The following GADL1 variants were observed in gnomAD, a reference collection of about 807,000 sequenced individuals.
The protein encoded by GADL1 is GAD like acidic amino acid decarboxylase 1.
In GADL1, 71 loss-of-function variants were observed where a neutral mutation model predicts 69.5. The ratio of observed to expected loss-of-function variants is 1.02; its 90% CI spans 0.84 to 1.25. The LOEUF (loss-of-function observed/expected upper bound fraction) is 1.25. Among genes scored for constraint, GADL1 ranks in the 50% most tolerant of loss-of-function variants. The pLI is 0.00. For synonymous variants in GADL1, 254 were observed against 214.4 expected (o/e 1.18, Z -1.62); for missense variants, 737 against 631.8 (o/e 1.17, Z -1.79).
At chr3:30,857,655 T>A (rs1477953806) in intron 2 of GADL1, among the ~76,000 whole-genome samples, 1 of 151,904 alleles carries the variant, frequency 6.6e-6, no homozygotes, top group Non-Finnish European at 1.5e-5. Flanking sequence ...CCTCCTAAAC[T>A]TAAGCCATGG....
intron 8 of GADL1, among the ~76,000 whole-genome samples, chr3:30,840,202 T>C (rs950601475): frequency 6.6e-6 from 1 of 152,178 alleles, no homozygotes; most frequent in Non-Finnish European, 1.5e-5. Context: ...TTTATGTCCT[T>C]TAATGCCAGG....
At chr3:30,833,267 A>G (rs1022096472) in intron 11 of GADL1, among the ~76,000 whole-genome samples, 1 of 152,018 alleles carries the variant, frequency 6.6e-6, no homozygotes, top group Non-Finnish European at 1.5e-5. Flanking sequence ...AGGAGCCTCA[A>G]CTTTTTTTCC....
At chr3:30,884,570 ATCATATTT>A (rs573712980) in intron 1 of GADL1, among the ~76,000 whole-genome samples, 104 of 152,158 alleles carry the variant, frequency 6.8e-4, no homozygotes, top group African/African-American at 2.4e-3. Flanking sequence ...TTATTTTTCT[ATCATATTT>A]TCTATCTGTG....
At chr3:30,769,276 A>C (rs1038706815) in intron 14 of GADL1, among the ~76,000 whole-genome samples, 13 of 152,120 alleles carry the variant, frequency 8.5e-5, no homozygotes, top group Admixed American at 5.2e-4. Flanking sequence ...CGACTAGTGA[A>C]ATACTTATGA....
intron 14 of GADL1, 79 bp downstream of exon 14, chr3:30,778,087 GCTTGCTAGGCCCT>G (rs1696577949): frequency 4.1e-6 from 3 of 734,372 alleles, no homozygotes; most frequent in Admixed American, 4.4e-5. Context: ...ATAATTCTGT[GCTTGCTAGGCCCT>G]CTTATTTATA....
intron 14 of GADL1, among the ~76,000 whole-genome samples, chr3:30,732,965 G>C (rs963115528): frequency 1.3e-5 from 2 of 152,054 alleles, no homozygotes; most frequent in Non-Finnish European, 2.9e-5. Flanking sequence ...GCTGCGGCAC[G>C]GGACGCAGGG....
At chr3:30,783,018 A>G (rs549487214) in intron 13 of GADL1, among the ~76,000 whole-genome samples, 1 of 152,360 alleles carries the variant, frequency 6.6e-6, no homozygotes, top group South Asian at 2.1e-4. Context: ...ATGAATAATT[A>G]GAGCTATCTG....
chr3:30,732,664 C>A (rs1414048537), intron 14 of GADL1, among the ~76,000 whole-genome samples: 1 of 152,114 alleles, frequency 6.6e-6, no homozygotes, highest in Non-Finnish European at 1.5e-5. Context: ...ATCATTATTG[C>A]CTTTGATTAA....
Position 30,844,568 on chromosome 3 carries a change from T to C in GADL1, c.652-102A>G, listed in dbSNP as rs577492040. Reference sequence around the variant, plus strand: ...TAGATGAAAGTATGGCTGAGCACAATCTTTGGGACATTATTGCATAAAAAA... The same window carrying C: ...TAGATGAAAGTATGGCTGAGCACAACCTTTGGGACATTATTGCATAAAAAA... On this transcript the variant is annotated intron_variant, in intron 6 of 14. Coordinates refer to ENST00000282538, the MANE Select transcript of GADL1 (RefSeq NM_207359.3). 26 of 794,622 alleles carry C rather than the reference T, an allele frequency of 3.3e-5. No individual in the cohort carries two copies. The South Asian group carries it at 3.9e-4, about 12-fold the overall frequency. 49.2% of individuals were successfully genotyped at this position (794,622 alleles called of 1,614,324 possible).
rs1045439439 is a variant in GADL1, at chr3:30,841,113, ATAAGT to A, written c.787-2005_787-2001del. On this transcript the variant is annotated intron_variant, in intron 8 of 14. Transcript: ENST00000282538. ...TACTATTCCTCATATCTGAAACAACATAAGTTAAAAGCTTGAAACAAAACAACTAG... is the reference window on the plus strand; with the variant it reads ...TACTATTCCTCATATCTGAAACAACATAAAAGCTTGAAACAAAACAACTAG... Among the ~76,000 whole-genome samples, 47 of 152,326 alleles carry A rather than the reference ATAAGT, an allele frequency of 3.1e-4. 1 individual carries two copies. The highest frequency in any genetic ancestry group is 2.7e-3 in the Admixed American group (42 of 15,292).
intron 11 of GADL1, among the ~76,000 whole-genome samples, chr3:30,805,818 G>T (rs115435241): frequency 0.024 from 3,533 of 149,006 alleles, 152 homozygotes; most frequent in African/African-American, 0.084. Flanking sequence ...GGTGTGGTGT[G>T]GGGGAGATGG....
At chr3:30,796,814 T>A (rs1005532230) in intron 12 of GADL1, among the ~76,000 whole-genome samples, 3 of 152,184 alleles carry the variant, frequency 2.0e-5, no homozygotes, top group Non-Finnish European at 4.4e-5. Context: ...AATGTTTCCA[T>A]CGCTTACTAC....
Position 30,728,247 on chromosome 3 carries a change from T to C in GADL1, c.1561A>G (p.Met521Val). Reference protein sequence around the residue: ...LDEIDLLGKDM With the variant: ...LDEIDLLGKDV ...CTGGGGGACCAAAGCCACAGCTACA[T>C]GTCTTTACCCAGTAAGTCTATCTCA... Residue 521 changes from methionine to valine, a missense_variant, in exon 15 of 15, where the codon ATG becomes GTG. Transcript: ENST00000282538. 4.3e-6 allele frequency: 7 copies of C among 1,613,534 alleles called. No individual in the cohort carries two copies. Among genetic ancestry groups the C allele is most frequent in the South Asian group, 3.3e-5 (3 of 91,060 alleles).
chr3:30,858,248 C>A (rs535416368), intron 2 of GADL1, among the ~76,000 whole-genome samples: 1 of 152,078 alleles, frequency 6.6e-6, no homozygotes, highest in East Asian at 1.9e-4. Context: ...CAGAGATAAG[C>A]AAGGCTCAGA....
chr3:30,794,263 CCAAA>C (rs932185455), intron 12 of GADL1, among the ~76,000 whole-genome samples: 21 of 149,864 alleles, frequency 1.4e-4, no homozygotes, highest in African/African-American at 4.7e-4. Flanking sequence ...ACTCTGGAGA[CCAAA>C]CAAAGTAGCA....
intron 13 of GADL1, among the ~76,000 whole-genome samples, chr3:30,782,883 T>C (rs1464644527): frequency 1.6e-4 from 24 of 152,140 alleles, no homozygotes; most frequent in Admixed American, 1.6e-3. Context: ...AAGATGAAGA[T>C]TAAAATAATG....
chr3:30,827,778 T>G (rs778921939), intron 11 of GADL1, among the ~76,000 whole-genome samples: 1 of 151,934 alleles, frequency 6.6e-6, no homozygotes, highest in African/African-American at 2.4e-5. Flanking sequence ...TCTCTCTGTT[T>G]GATTTCTCAA....
intron 1 of GADL1, among the ~76,000 whole-genome samples, chr3:30,889,513 G>A (rs1698758041): frequency 1.3e-5 from 2 of 152,136 alleles, no homozygotes; most frequent in African/African-American, 4.8e-5. Flanking sequence ...CAAAGCAAAA[G>A]CCAAAAGCAG....
chr3:30,779,778 C>A (rs972727159), intron 13 of GADL1, among the ~76,000 whole-genome samples: 5 of 152,164 alleles, frequency 3.3e-5, no homozygotes, highest in Admixed American at 3.3e-4. Flanking sequence ...TGCCTCTCAG[C>A]CAGAAATCTA....
Sources: gnomAD v4.1 joint callset for allele counts (sites outside exome capture counted in the v4.1 genomes callset) on GRCh38, gnomAD v4.1.1 for gene constraint, MANE v1.5 for transcripts, NCBI Gene and HGNC (gene_info 2026-07-23, HGNC 2026-07-21) for gene names.